Variants in SUOX observed in about 807,000 individuals in gnomAD.
SUOX encodes sulfite oxidase, mitochondrial.
In SUOX, 39 loss-of-function variants were observed where a neutral mutation model predicts 41.9. That is an observed-to-expected ratio of 0.93 (90% CI 0.72 to 1.21). The LOEUF (loss-of-function observed/expected upper bound fraction) is 1.21. Among genes scored for constraint, SUOX ranks in the 50% most tolerant of loss-of-function variants. The pLI is 0.00. For synonymous variants in SUOX, 220 were observed against 268.4 expected (o/e 0.82, Z 1.76); for missense variants, 633 against 689.5 (o/e 0.92, Z 0.92).
chr12:56,001,076 C>T (rs113259243), intron 2 of SUOX, among the ~76,000 whole-genome samples: 258 of 149,734 alleles, frequency 1.7e-3, no homozygotes, highest in African/African-American at 6.1e-3. Flanking sequence ...TAAGCCACTG[C>T]GCCGGGCTAA....
intron 2 of SUOX, among the ~76,000 whole-genome samples, chr12:55,998,554 A>T (rs997805268): frequency 6.9e-6 from 1 of 144,760 alleles, no homozygotes; most frequent in Admixed American, 6.8e-5. Context: ...GGGCAGGGGG[A>T]GGGGAGGGGA....
chr12:56,004,656 C>T lies in SUOX; in HGVS notation c.1267C>T (p.Leu423Phe). 1.2e-6 allele frequency: 2 copies of T among 1,613,910 alleles called. No individual in the cohort carries two copies. Among genetic ancestry groups the T allele is most frequent in the South Asian group, 1.1e-5 (1 of 91,068 alleles). The change falls in exon 5 of 5, where the codon CTT (leucine) becomes TTT (phenylalanine). Residue 423 changes from leucine (L) to phenylalanine (F), a missense_variant. Physicochemically the swap from Leu to Phe is conservative, Grantham distance 22 (BLOSUM62 0). Transcript: ENST00000266971. This position sits in a 1 kb window ranked among gnomAD's most constrained non-coding sequence, Gnocchi z 4.5. ...DFDSAPSIQELPVQSAITEPR... is the reference protein window; with the variant it reads ...DFDSAPSIQEFPVQSAITEPR... Reference sequence around the variant, plus strand: ...TGACTCTGCTCCATCCATTCAGGAACTTCCTGTCCAGTCGGCCATCACAGA... The same window carrying T: ...TGACTCTGCTCCATCCATTCAGGAATTTCCTGTCCAGTCGGCCATCACAGA...
At chr12:56,003,584 C>T (rs2136510885) in intron 4 of SUOX, 34 bp from the exon 5 acceptor site, 1 of 1,601,478 alleles carries the variant, frequency 6.2e-7, no homozygotes, top group Non-Finnish European at 8.6e-7. Flanking sequence ...TTAATAGTCT[C>T]TTCCCTTTTA....
rs867077074 is a variant in SUOX at position 56,003,713 on chromosome 12, C to T, written c.324C>T (p.Val108=). ...TGIWVTLGSE[V]FDVTEFVDLH... ...TCTGGGTGACTCTGGGCTCTGAGGTCTTTGATGTCACAGAATTTGTGGACC... is the reference window on the plus strand; with the variant it reads ...TCTGGGTGACTCTGGGCTCTGAGGTTTTTGATGTCACAGAATTTGTGGACC... Residue 108 remains valine (V), a synonymous_variant, in exon 5 of 5, where the codon GTC becomes GTT. Transcript: ENST00000266971. The T allele has an allele frequency of 6.2e-7, 1 of 1,612,608 alleles. No individual in the cohort carries two copies. Among genetic ancestry groups the T allele is most frequent in the Non-Finnish European group, 8.5e-7 (1 of 1,179,250 alleles).
chr12:56,001,874 T>G, intron 2 of SUOX: 1 of 1,175,266 alleles, frequency 8.5e-7, no homozygotes, highest in Non-Finnish European at 1.1e-6. Context: ...ACATTTGGTT[T>G]CGGTCCTTTA....
chr12:56,005,173 G>C lies in SUOX; in HGVS notation c.*146G>C. 1.1e-6 allele frequency: 1 copy of C among 891,238 alleles called. No homozygotes were observed. The highest frequency in any genetic ancestry group is 1.8e-6 in the Non-Finnish European group (1 of 563,324). 55.2% of individuals were successfully genotyped at this position (891,238 alleles called of 1,614,324 possible). A position where few individuals can be genotyped will look rare whatever the true frequency, so the allele number is the denominator to read the frequency against. On this transcript the variant is annotated 3_prime_UTR_variant, in exon 5 of 5. Transcript: ENST00000266971. ...TACACATATAGCACATTTCACCCAA[G>C]GACCTTCCCTCTTTGGACACTATGT...
At position 56,004,594 on chromosome 12, in the gene SUOX, G is replaced by A; in HGVS notation, c.1205G>A (p.Gly402Asp). Reference protein sequence around the residue: ...YSHWQRRDYKGFSPSVDWETV... With the variant: ...YSHWQRRDYKDFSPSVDWETV... ...CACTGGCAACGGCGGGATTACAAAG[G>A]CTTCTCTCCATCTGTGGACTGGGAG... Residue 402 changes from glycine to aspartate, a missense_variant, in exon 5 of 5, where the codon GGC becomes GAC. Coordinates refer to ENST00000266971, the MANE Select transcript of SUOX (RefSeq NM_001032386.2). The surrounding 1 kb of genome is among the most constrained non-coding windows in gnomAD (Gnocchi z 4.5). 6.2e-7 allele frequency: 1 copy of A among 1,614,216 alleles called. No homozygotes were observed. Among genetic ancestry groups the A allele is most frequent in the South Asian group, 1.1e-5 (1 of 91,086 alleles).
At position 56,004,907 on chromosome 12, in the gene SUOX, T is replaced by A; in HGVS notation, c.1518T>A (p.Ile506=). Residue 506 remains isoleucine (I), a synonymous_variant, in exon 5 of 5, where the codon ATT becomes ATA. Transcript: ENST00000266971. The surrounding 1 kb of genome is among the most constrained non-coding windows in gnomAD (Gnocchi z 4.5). ...PVPAGQKELN[I]VCKAVDDGYN... ...CAGCTGGACAAAAGGAACTGAACAT[T>A]GTTTGTAAGGCTGTGGATGATGGTT... is the stretch of plus-strand genomic sequence containing the variant. 6.2e-7 allele frequency: 1 copy of A among 1,614,052 alleles called. No homozygotes were observed. The highest frequency in any genetic ancestry group is 8.5e-7 in the Non-Finnish European group (1 of 1,180,012).
chr12:56,002,482 C>T, intron 3 of SUOX, 61 bp from the exon 4 acceptor site: 1 of 1,607,116 alleles, frequency 6.2e-7, no homozygotes, highest in Non-Finnish European at 8.5e-7. Flanking sequence ...AAGTAGACCC[C>T]AAGCCTTCAC....
In SUOX at chr12:56,002,197, A is replaced by G. The variant is rs968286111; in HGVS notation, c.-10-15A>G. The G allele has an allele frequency of 1.2e-6, 2 of 1,612,848 alleles. No individual in the cohort carries two copies. Among genetic ancestry groups the G allele is most frequent in the African/African-American group, 1.3e-5 (1 of 74,870 alleles). On this transcript the variant is annotated splice_polypyrimidine_tract_variant and intron_variant, in intron 2 of 4. Coordinates refer to ENST00000266971, the MANE Select transcript of SUOX (RefSeq NM_001032386.2). ...AGGGTCTCCCTATCTTGATCCCAGA[A>G]TCTTCCTTCTACAGGTCTGCTACAA... is the stretch of plus-strand genomic sequence containing the variant.
intron 2 of SUOX, chr12:56,001,842 G>C (rs1890542517): frequency 1.0e-6 from 1 of 969,442 alleles, no homozygotes; most frequent in African/African-American, 1.7e-5. Context: ...GCTGACTTCA[G>C]AAATAATAAT....
At chr12:55,999,996 G>A (rs989050837) in intron 2 of SUOX, among the ~76,000 whole-genome samples, 6 of 152,226 alleles carry the variant, frequency 3.9e-5, no homozygotes, top group African/African-American at 1.4e-4. Flanking sequence ...GCTAGACACA[G>A]GGTGCTGATA....
chr12:56,003,021 A>G, intron 4 of SUOX: 1 of 278,996 alleles, frequency 3.6e-6, no homozygotes, highest in South Asian at 4.6e-5. Flanking sequence ...TGACAGAGTG[A>G]GACTCCATCT....
Position 56,005,187 on chromosome 12 carries a change from T to G in SUOX, c.*160T>G. 5.1e-6 allele frequency: 4 copies of G among 791,418 alleles called. No homozygotes were observed. Among genetic ancestry groups the G allele is most frequent in the Middle Eastern group, 3.5e-4 (1 of 2,822 alleles). The allele number at this position is 791,418 out of a possible 1,614,324, so 49.0% of individuals were successfully genotyped here. A position where few individuals can be genotyped will look rare whatever the true frequency, so the allele number is the denominator to read the frequency against. On this transcript the variant is annotated 3_prime_UTR_variant, in exon 5 of 5. Coordinates refer to ENST00000266971, the MANE Select transcript of SUOX (RefSeq NM_001032386.2). ...ATTTCACCCAAGGACCTTCCCTCTT[T>G]GGACACTATGTTACATACCCCTCTT...
chr12:55,999,506 CTGA>C (rs983759675), intron 2 of SUOX: 4 of 154,462 alleles, frequency 2.6e-5, no homozygotes, highest in African/African-American at 9.6e-5. Context: ...TTTGTTCCTT[CTGA>C]TGTTCAGATG....
chr12:56,004,890 C>CA lies in SUOX; in HGVS notation c.1505dup (p.Glu503GlyfsTer7). On this transcript the variant is annotated frameshift_variant, in exon 5 of 5. Coordinates refer to ENST00000266971, the MANE Select transcript of SUOX (RefSeq NM_001032386.2). LOFTEE classifies it high-confidence loss of function. The surrounding 1 kb of genome is among the most constrained non-coding windows in gnomAD (Gnocchi z 4.5). Reference sequence around the variant, plus strand: ...GTTGAAAGCCCCTGTGCCAGCTGGACAAAAGGAACTGAACATTGTTTGTAA... The same window carrying CA: ...GTTGAAAGCCCCTGTGCCAGCTGGACAAAAAGGAACTGAACATTGTTTGTAA... The CA allele has an allele frequency of 6.2e-7, 1 of 1,614,082 alleles. No homozygotes were observed. Among genetic ancestry groups the CA allele is most frequent in the Non-Finnish European group, 8.5e-7 (1 of 1,180,012 alleles).
intron 3 of SUOX, 28 bp from the exon 4 acceptor site, chr12:56,002,515 G>T (rs369528138): frequency 6.2e-7 from 1 of 1,613,976 alleles, no homozygotes; most frequent in Admixed American, 1.7e-5. Flanking sequence ...ATGACCATAC[G>T]TGCTACTAAG....
intron 3 of SUOX, 95 bp downstream of exon 3, chr12:56,002,366 A>T: frequency 1.3e-6 from 2 of 1,520,722 alleles, no homozygotes; most frequent in Non-Finnish European, 1.8e-6. Flanking sequence ...GACAGTTGAG[A>T]GAGTGTGTCC....
chr12:56,003,475 G>A, intron 4 of SUOX, 143 bp from the exon 5 acceptor site: 1 of 708,230 alleles, frequency 1.4e-6, no homozygotes, highest in Non-Finnish European at 2.4e-6. Flanking sequence ...TGGTCAAGCT[G>A]GTCTTGAACT....
Sources: allele counts gnomAD v4.1 joint callset (sites outside exome capture counted in the v4.1 genomes callset), GRCh38; gene constraint gnomAD v4.1.1; non-coding constraint Gnocchi (gnomAD v3.1); transcripts MANE v1.5; gene names NCBI Gene and HGNC (gene_info 2026-07-23, HGNC 2026-07-21).